The following RANBP9 variants were observed in gnomAD, a reference collection of about 807,000 sequenced individuals.
RANBP9 encodes the protein RAN binding protein 9.
In RANBP9, 15 loss-of-function variants were observed where a neutral mutation model predicts 84.3. The observed-to-expected ratio is 0.18, with a 90% CI of 0.12 to 0.27. The LOEUF (loss-of-function observed/expected upper bound fraction) is 0.27, where lower values mean the gene tolerates loss of function less well. RANBP9 is among the 10% of genes least tolerant of loss of function. The pLI is 1.00. For missense variants in RANBP9, 809 were observed against 912.8 expected (o/e 0.89, Z 1.46); for synonymous variants, 392 against 349.6 (o/e 1.12, Z -1.35).
chr6:13,670,267 T>G lies in RANBP9; in HGVS notation c.684-11435A>C, dbSNP rs544708743. ...CAGATTGTGCCACTGCACTCTGGCC[T>G]GGGTGACAGATTAAGATTCTGTCTC... On this transcript the variant is annotated intron_variant, in intron 2 of 13. Coordinates refer to ENST00000011619, the MANE Select transcript of RANBP9 (RefSeq NM_005493.3). Among the ~76,000 whole-genome samples the G allele has an allele frequency of 5.9e-5, 9 of 152,170 alleles. No individual in the cohort carries two copies. In the South Asian group the frequency reaches 1.7e-3, roughly 28 times the overall value.
rs1758270173 is a variant in RANBP9, at chr6:13,711,175, C to A, written c.331G>T (p.Gly111Cys). The change falls in exon 1 of 14, where the codon GGC becomes TGC. Residue 111 changes from glycine to cysteine, a missense_variant. Coordinates refer to ENST00000011619, the MANE Select transcript of RANBP9 (RefSeq NM_005493.3). ...GGGGCTCCTCCAGCCGGGCCGGGGCCCGCTGCAAGGCCCGGGGGAGCGGGC... is the reference window on the plus strand; with the variant it reads ...GGGGCTCCTCCAGCCGGGCCGGGGCACGCTGCAAGGCCCGGGGGAGCGGGC... The part of the protein sequence containing the change: ...GPPAPPGLAA[G>C]PGPAGGAPTP... 7 of 1,420,758 alleles carry A rather than the reference C, an allele frequency of 4.9e-6. No homozygotes were observed. The highest frequency in any genetic ancestry group is 1.5e-5 in the African/African-American group (1 of 66,110). The allele number at this position is 1,420,758 out of a possible 1,614,324, so 88.0% of individuals were successfully genotyped here.
intron 1 of RANBP9, among the ~76,000 whole-genome samples, chr6:13,697,541 A>G (rs554870242): frequency 1.3e-5 from 2 of 152,332 alleles, no homozygotes; most frequent in Admixed American, 1.3e-4. Context: ...ACACCATGCC[A>G]CTGCTGACAC....
chr6:13,637,820 T>C lies in RANBP9; in HGVS notation c.1661A>G (p.Asn554Ser), dbSNP rs944945680. 2 of 1,594,200 alleles carry C rather than the reference T, an allele frequency of 1.3e-6. No individual in the cohort carries two copies. Among genetic ancestry groups the C allele is most frequent in the Admixed American group, 1.8e-5 (1 of 54,938 alleles). The change falls in exon 10 of 14, where the codon AAT becomes AGT. Residue 554 changes from asparagine to serine, a missense_variant. Transcript: ENST00000011619. Reference sequence around the variant, plus strand: ...TGAAATTACTTACCTGGTGAAGTTATTAACTTGCTGTGATCTTGACATATT... The same window carrying C: ...TGAAATTACTTACCTGGTGAAGTTACTAACTTGCTGTGATCTTGACATATT... Reference protein sequence around the residue: ...SINMSRSQQVNNFTSNDVDME... With the variant: ...SINMSRSQQVSNFTSNDVDME...
At chr6:13,707,005 C>CAAAAA (rs34108954) in intron 1 of RANBP9, among the ~76,000 whole-genome samples, 3 of 122,294 alleles carry the variant, frequency 2.5e-5, no homozygotes, top group Non-Finnish European at 5.3e-5. Flanking sequence ...GACTCTGTCT[C>CAAAAA]AAAAAAAAAA....
chr6:13,655,242 C>T (rs1463132047), intron 4 of RANBP9, among the ~76,000 whole-genome samples: 2 of 152,236 alleles, frequency 1.3e-5, no homozygotes, highest in South Asian at 4.2e-4. Context: ...AAGGCTGAGG[C>T]GGGTGTATCA....
At chr6:13,708,986 A>G (rs1376166273) in intron 1 of RANBP9, among the ~76,000 whole-genome samples, 1 of 152,222 alleles carries the variant, frequency 6.6e-6, no homozygotes, top group Non-Finnish European at 1.5e-5. Flanking sequence ...TCCAGAAATA[A>G]TGATTTATGT....
chr6:13,652,697 A>G lies in RANBP9; in HGVS notation c.905-16T>C, dbSNP rs771732454. ...AAAGCAATACCTAAAAAGAAAAAAA[A>G]AAGTGGCATTAGAAGCTGTTTTTCA... is the stretch of plus-strand genomic sequence containing the variant. On this transcript the variant is annotated splice_polypyrimidine_tract_variant and intron_variant, in intron 4 of 13. Coordinates refer to ENST00000011619, the MANE Select transcript of RANBP9 (RefSeq NM_005493.3). The G allele has an allele frequency of 2.5e-6, 4 of 1,591,518 alleles. No homozygotes were observed. In the South Asian group the frequency reaches 4.5e-5, roughly 18 times the overall value.
intron 6 of RANBP9, among the ~76,000 whole-genome samples, chr6:13,643,118 A>G (rs1765104629): frequency 6.6e-6 from 1 of 152,234 alleles, no homozygotes; most frequent in African/African-American, 2.4e-5. Context: ...CCAGAGAGAC[A>G]ATCTTCCAGA....
chr6:13,673,218 C>G (rs1251036202), intron 2 of RANBP9, among the ~76,000 whole-genome samples: 1 of 152,154 alleles, frequency 6.6e-6, no homozygotes, highest in African/African-American at 2.4e-5. Flanking sequence ...CTTCAGAAAT[C>G]ATGTAAGCAA....
intron 2 of RANBP9, among the ~76,000 whole-genome samples, chr6:13,660,284 G>C (rs962964656): frequency 6.6e-6 from 1 of 152,174 alleles, no homozygotes; most frequent in African/African-American, 2.4e-5. Flanking sequence ...TGAAGCAGGA[G>C]GATCTTTTGA....
At chr6:13,646,191 C>T (rs1251832376) in intron 5 of RANBP9, among the ~76,000 whole-genome samples, 1 of 152,154 alleles carries the variant, frequency 6.6e-6, no homozygotes, top group African/African-American at 2.4e-5. Flanking sequence ...AGGTAGATCA[C>T]CTCAGGTCAG....
intron 5 of RANBP9, among the ~76,000 whole-genome samples, chr6:13,649,417 CA>C (rs1201005347): frequency 7.5e-6 from 1 of 133,136 alleles, no homozygotes; most frequent in Non-Finnish European, 1.6e-5. Context: ...CGAAAGCTAA[CA>C]ACAACAAAAG....
intron 2 of RANBP9, among the ~76,000 whole-genome samples, chr6:13,686,686 G>A (rs958705276): frequency 9.8e-5 from 15 of 152,290 alleles, no homozygotes; most frequent in Admixed American, 7.2e-4. Context: ...TTACAGGCAT[G>A]AGCCACCACG....
At chr6:13,641,834 A>G (rs184227117) in intron 7 of RANBP9, among the ~76,000 whole-genome samples, 55 of 152,302 alleles carry the variant, frequency 3.6e-4, no homozygotes, top group Non-Finnish European at 6.6e-4. Flanking sequence ...ACTACAACCC[A>G]ATGTAATCAG....
chr6:13,658,849 G>A lies in RANBP9; in HGVS notation c.684-17C>T, dbSNP rs1321819094. On this transcript the variant is annotated splice_polypyrimidine_tract_variant and intron_variant, in intron 2 of 13. Coordinates refer to ENST00000011619, the MANE Select transcript of RANBP9 (RefSeq NM_005493.3). ...CCCATGTAACTGTTGGCGGAGGTTG[G>A]GGGAGAGAAGAAAAGGACATTATTA... is the stretch of plus-strand genomic sequence containing the variant. 2.6e-6 allele frequency: 4 copies of A among 1,551,090 alleles called. No individual in the cohort carries two copies. In the East Asian group the frequency reaches 6.7e-5, roughly 26 times the overall value.
chr6:13,636,414 T>C (rs1323578739), intron 10 of RANBP9, among the ~76,000 whole-genome samples: 1 of 152,240 alleles, frequency 6.6e-6, no homozygotes, highest in Non-Finnish European at 1.5e-5. Flanking sequence ...CTTTCCCTTT[T>C]ATACTGCAGA....
intron 2 of RANBP9, among the ~76,000 whole-genome samples, chr6:13,670,581 G>A (rs570575742): frequency 9.2e-5 from 14 of 152,100 alleles, no homozygotes; most frequent in Non-Finnish European, 1.8e-4. Flanking sequence ...CAGATCACGA[G>A]GTCAGGAGAT....
chr6:13,622,427 C>T lies in RANBP9; in HGVS notation c.2125G>A (p.Gly709Arg). 6.2e-7 allele frequency: 1 copy of T among 1,607,742 alleles called. No homozygotes were observed. The highest frequency in any genetic ancestry group is 1.7e-4 in the Middle Eastern group (1 of 6,040). Residue 709 changes from glycine (G) to arginine (R), a missense_variant, in exon 14 of 14, where the codon GGA becomes AGA. Gly to Arg is a moderately radical substitution (Grantham distance 125). Transcript: ENST00000011619. ...CCAATTCCTGATCGAGCCATCAGTC[C>T]TAGACATTGTGTGGCCTGTCCCATT... The part of the protein sequence containing the change: ...LAMGQATQCL[G>R]LMARSGIGSC...
At chr6:13,635,618 TAAAA>T (rs75512821) in intron 10 of RANBP9, among the ~76,000 whole-genome samples, 4 of 129,812 alleles carry the variant, frequency 3.1e-5, no homozygotes, top group Non-Finnish European at 6.7e-5. Context: ...ATTGTTAAGG[TAAAA>T]AAAAAAAAAA....
Sources: gnomAD v4.1 joint callset for allele counts (sites outside exome capture counted in the v4.1 genomes callset) on GRCh38, gnomAD v4.1.1 for gene constraint, MANE v1.5 for transcripts, NCBI Gene and HGNC (gene_info 2026-07-23, HGNC 2026-07-21) for gene names.